Variants in ASIC2 observed in about 807,000 individuals in gnomAD.
ASIC2 encodes the protein acid-sensing ion channel 2.
Under a neutral mutation model 57.3 loss-of-function variants are expected in ASIC2, and 25 were observed. The ratio of observed to expected loss-of-function variants is 0.44; its 90% CI spans 0.32 to 0.61. The LOEUF (loss-of-function observed/expected upper bound fraction) is 0.61. Among genes scored for constraint, ASIC2 ranks in the 20% least tolerant of loss-of-function variants. The pLI is 0.06. For missense variants in ASIC2, 641 were observed against 738.1 expected, an observed-to-expected ratio of 0.87 and a Z score of 1.52; for synonymous variants, 319 against 307.5, an observed-to-expected ratio of 1.04 and a Z score of -0.39.
chr17:33,651,441 G>T (rs538503517), intron 1 of ASIC2, among the ~76,000 whole-genome samples: 3 of 152,166 alleles, frequency 2.0e-5, no homozygotes, highest in African/African-American at 7.2e-5. Context: ...AACACTGACA[G>T]TTCTGTTAGA....
At chr17:33,813,586 G>A (rs1325431703) in intron 1 of ASIC2, among the ~76,000 whole-genome samples, 5 of 152,068 alleles carry the variant, frequency 3.3e-5, no homozygotes, top group Non-Finnish European at 7.4e-5. Context: ...ACAGGCGCCC[G>A]CCACCAAGCC....
intron 1 of ASIC2, among the ~76,000 whole-genome samples, chr17:33,123,140 G>A (rs2092309609): frequency 6.6e-6 from 1 of 152,134 alleles, no homozygotes; most frequent in African/African-American, 2.4e-5. Context: ...CCACTTTTGG[G>A]TTTATAGCTA....
At chr17:33,900,412 G>A (rs767396329) in intron 1 of ASIC2, among the ~76,000 whole-genome samples, 2 of 152,112 alleles carry the variant, frequency 1.3e-5, no homozygotes, top group Non-Finnish European at 2.9e-5. Flanking sequence ...TCTAGATCTA[G>A]CAAACACCCC....
At position 33,309,745 on chromosome 17, in the gene ASIC2, A is replaced by T. The variant is rs115785931; in HGVS notation, c.556-197678T>A. ...GTAGACTTCTATTGTGGTACACATC[A>T]TTTCACAGTGCAAACATGTGCTCCT... On this transcript the variant is annotated intron_variant, in intron 1 of 9. Transcript: ENST00000359872. Among the ~76,000 whole-genome samples the T allele has an allele frequency of 8.3e-3, 1,255 of 151,906 alleles. 10 individuals carry two copies. Among genetic ancestry groups the T allele is most frequent in the African/African-American group, 0.022 (926 of 41,370 alleles).
At chr17:33,578,257 C>T (rs1040631802) in intron 1 of ASIC2, among the ~76,000 whole-genome samples, 1 of 152,182 alleles carries the variant, frequency 6.6e-6, no homozygotes. Context: ...CCCCTATCTA[C>T]TGGTCATTAA....
At chr17:33,457,149 C>T (rs1213020252) in intron 1 of ASIC2, among the ~76,000 whole-genome samples, 1 of 152,082 alleles carries the variant, frequency 6.6e-6, no homozygotes, top group Non-Finnish European at 1.5e-5. Context: ...AGCACAGTGC[C>T]TGGCATGAAG....
chr17:33,423,036 G>A (rs1911099486), intron 1 of ASIC2, among the ~76,000 whole-genome samples: 1 of 152,202 alleles, frequency 6.6e-6, no homozygotes, highest in Non-Finnish European at 1.5e-5. Context: ...GCTTTTAGCT[G>A]TAGTGGGGAG....
chr17:34,046,857 C>G (rs1255001676), intron 1 of ASIC2, among the ~76,000 whole-genome samples: 2 of 152,140 alleles, frequency 1.3e-5, no homozygotes, highest in Non-Finnish European at 2.9e-5. Flanking sequence ...TTATAGAACT[C>G]CCTGTCTGTT....
chr17:33,982,674 T>C (rs901676984), intron 1 of ASIC2, among the ~76,000 whole-genome samples: 7 of 152,218 alleles, frequency 4.6e-5, no homozygotes, highest in African/African-American at 1.4e-4. Flanking sequence ...TAAATTCCTA[T>C]CTACCTTTGA....
intron 1 of ASIC2, among the ~76,000 whole-genome samples, chr17:33,735,695 C>T (rs1909890857): frequency 1.3e-5 from 2 of 152,052 alleles, no homozygotes; most frequent in Admixed American, 1.3e-4. Context: ...TCACAAAGTC[C>T]TCAACAGCGG....
chr17:34,123,747 G>A (rs1348513322), intron 1 of ASIC2, among the ~76,000 whole-genome samples: 2 of 152,294 alleles, frequency 1.3e-5, no homozygotes, highest in African/African-American at 4.8e-5. Context: ...CTTTACTGAA[G>A]GCTTGACCTG....
At chr17:33,889,660 G>A (rs980056463) in intron 1 of ASIC2, among the ~76,000 whole-genome samples, 3 of 152,158 alleles carry the variant, frequency 2.0e-5, no homozygotes, top group African/African-American at 7.2e-5. Context: ...TCAATCAGAT[G>A]TTCACACCTG....
chr17:34,038,982 G>A, intron 1 of ASIC2: 1 of 1,614,114 alleles, frequency 6.2e-7, no homozygotes, highest in Non-Finnish European at 8.5e-7. Flanking sequence ...TAGTAAAGTA[G>A]CCCAGTCTCA....
intron 1 of ASIC2, among the ~76,000 whole-genome samples, chr17:33,467,400 C>T (rs559335507): frequency 1.1e-4 from 16 of 152,240 alleles, no homozygotes; most frequent in African/African-American, 3.9e-4. Flanking sequence ...AATTCTAAGT[C>T]CCCCAACCAT....
chr17:33,021,407 A>G (rs906408622), intron 6 of ASIC2, 97 bp from the exon 7 acceptor site: 1 of 1,022,530 alleles, frequency 9.8e-7, no homozygotes, highest in Non-Finnish European at 1.4e-6. Flanking sequence ...GGAGAAAAGG[A>G]GGCCCAGGAA....
At chr17:33,848,143 G>A (rs1913663142) in intron 1 of ASIC2, among the ~76,000 whole-genome samples, 2 of 152,268 alleles carry the variant, frequency 1.3e-5, no homozygotes, top group South Asian at 2.1e-4. Flanking sequence ...GTAGAGGGTG[G>A]TCAAGGCAAC....
intron 2 of ASIC2, among the ~76,000 whole-genome samples, chr17:33,108,677 G>A (rs1265111806): frequency 6.6e-6 from 1 of 152,208 alleles, no homozygotes; most frequent in East Asian, 1.9e-4. Flanking sequence ...TCTGCAAGAG[G>A]CAGCACATTG....
intron 1 of ASIC2, chr17:33,569,540 A>G (rs1434588): frequency 0.61 from 92,578 of 152,098 alleles, 29,457 homozygotes; most frequent in African/African-American, 0.81. Flanking sequence ...GATGTTAAGC[A>G]TCAGAACGGC....
chr17:33,908,793 C>T (rs1225143001), intron 1 of ASIC2, among the ~76,000 whole-genome samples: 1 of 152,132 alleles, frequency 6.6e-6, no homozygotes. Flanking sequence ...GAAAGCAGAC[C>T]TTTGGATTCT....
Sources: gnomAD v4.1 joint callset for allele counts (sites outside exome capture counted in the v4.1 genomes callset) on GRCh38, gnomAD v4.1.1 for gene constraint, MANE v1.5 for transcripts, NCBI Gene and HGNC (gene_info 2026-07-23, HGNC 2026-07-21) for gene names.